FCRL2: variants seen among roughly 807,000 people sequenced by gnomAD.
FCRL2 encodes Fc receptor like 2, also known as Fc receptor-like protein 2.
A neutral mutation model predicts 59.8 loss-of-function variants in FCRL2; 48 were observed. The observed-to-expected ratio is 0.80, with a 90% CI of 0.64 to 1.02. The LOEUF (loss-of-function observed/expected upper bound fraction) is 1.02. Ranked by LOEUF, FCRL2 falls within the 50% of genes least tolerant of loss-of-function variation. The pLI is 0.00. For missense variants in FCRL2, 658 were observed against 597.3 expected (o/e 1.10, Z -1.06); for synonymous variants, 251 against 229.5 (o/e 1.09, Z -0.85).
In FCRL2 at chr1:157,766,598, T is replaced by G. The variant is rs1649514500; in HGVS notation, c.1279+257A>C. On this transcript the variant is annotated intron_variant, in intron 7 of 11. Coordinates refer to ENST00000361516, the MANE Select transcript of FCRL2 (RefSeq NM_030764.4). ...GCAATTAAGAATTAGACTTTTCATT[T>G]TAAAAGTCAAGCATGGAAAGAATGT... 4 of 497,032 alleles carry G rather than the reference T, an allele frequency of 8.0e-6. No individual in the cohort carries two copies. In the East Asian group the frequency reaches 1.3e-4, roughly 16 times the overall value. The allele number at this position is 497,032 out of a possible 1,614,324, so 30.8% of individuals were successfully genotyped here. A position where few individuals can be genotyped will look rare whatever the true frequency, so the allele number is the denominator to read the frequency against.
At position 157,746,877 on chromosome 1, in the gene FCRL2, C is replaced by T. The variant is rs1311379829; in HGVS notation, c.1482G>A (p.Glu494=). The change falls in exon 11 of 12, where the codon GAG becomes GAA. Residue 494 remains glutamate, a synonymous_variant. Transcript: ENST00000361516. ...ESSANIRTLL[E]NKDSQVIYSS... Reference sequence around the variant, plus strand: ...TCCAAGGTGTCTAGCTCACCTTGTTCTCCAGAAGTGTCCTGATGTTTGCTG... The same window carrying T: ...TCCAAGGTGTCTAGCTCACCTTGTTTTCCAGAAGTGTCCTGATGTTTGCTG... The T allele has an allele frequency of 4.3e-6, 7 of 1,613,996 alleles. No individual in the cohort carries two copies. The highest frequency in any genetic ancestry group is 5.1e-6 in the Non-Finnish European group (6 of 1,180,002).
chr1:157,758,507 C>T (rs1374702952), intron 7 of FCRL2, among the ~76,000 whole-genome samples: 2 of 151,788 alleles, frequency 1.3e-5, no homozygotes, highest in Admixed American at 6.6e-5. Context: ...ATATTCCATG[C>T]TCATGGATAG....
chr1:157,747,727 A>G (rs1453875739), intron 10 of FCRL2, among the ~76,000 whole-genome samples: 1 of 152,186 alleles, frequency 6.6e-6, no homozygotes, highest in Non-Finnish European at 1.5e-5. Flanking sequence ...CTGGAGCAGA[A>G]GCTTAAAGGA....
chr1:157,756,679 G>GAAA (rs5778046), intron 7 of FCRL2, among the ~76,000 whole-genome samples: 4 of 133,722 alleles, frequency 3.0e-5, no homozygotes, highest in Admixed American at 7.6e-5. Context: ...ACTTTGTCTG[G>GAAA]AAAAAAAAAA....
At chr1:157,775,702 T>A in intron 2 of FCRL2, 73 bp downstream of exon 2, 1 of 1,548,986 alleles carries the variant, frequency 6.5e-7, no homozygotes, top group Non-Finnish European at 8.9e-7. Flanking sequence ...CAGAGCCACC[T>A]CTATAGAATC....
At chr1:157,768,924 A>G (rs1649752695) in intron 4 of FCRL2, 1 of 492,908 alleles carries the variant, frequency 2.0e-6, no homozygotes, top group East Asian at 3.3e-5. Context: ...GGGTAGTAAT[A>G]TTTAAAGACT....
intron 2 of FCRL2, among the ~76,000 whole-genome samples, chr1:157,773,990 A>G (rs1650220443): frequency 6.6e-6 from 1 of 152,226 alleles, no homozygotes; most frequent in South Asian, 2.1e-4. Context: ...TAGGCAGAGC[A>G]AATAAATAGG....
intron 8 of FCRL2, 26 bp from the exon 9 acceptor site, chr1:157,748,986 G>A (rs1243331534): frequency 6.3e-7 from 1 of 1,595,762 alleles, no homozygotes; most frequent in East Asian, 2.2e-5. Flanking sequence ...TTAATTGTAT[G>A]ATAATCCCCA....
chr1:157,748,841 C>T, intron 9 of FCRL2, 34 bp downstream of exon 9: 2 of 1,596,454 alleles, frequency 1.3e-6, no homozygotes, highest in Non-Finnish European at 1.7e-6. Context: ...TTTTCTGACT[C>T]AGCCTCAGAG....
chr1:157,762,268 A>G (rs1198362214), intron 7 of FCRL2, among the ~76,000 whole-genome samples: 1 of 152,104 alleles, frequency 6.6e-6, no homozygotes, highest in African/African-American at 2.4e-5. Flanking sequence ...TATCACAGCC[A>G]CTACCAACAC....
intron 7 of FCRL2, 143 bp downstream of exon 7, chr1:157,766,712 G>A: frequency 7.3e-7 from 1 of 1,371,716 alleles, no homozygotes; most frequent in Non-Finnish European, 9.9e-7. Context: ...ATTGCACAGA[G>A]CCTTGCAGAA....
At chr1:157,761,680 A>T (rs74119548) in intron 7 of FCRL2, among the ~76,000 whole-genome samples, 2,699 of 152,246 alleles carry the variant, frequency 0.018, 69 homozygotes, top group African/African-American at 0.061. Context: ...CCATATGTGG[A>T]TGACACAATA....
chr1:157,776,202 G>A (rs1650399026), intron 1 of FCRL2, among the ~76,000 whole-genome samples: 1 of 152,082 alleles, frequency 6.6e-6, no homozygotes, highest in Admixed American at 6.6e-5. Flanking sequence ...CAACAAATCA[G>A]TCTCTTTCCT....
intron 2 of FCRL2, among the ~76,000 whole-genome samples, chr1:157,772,263 A>G (rs1249621900): frequency 1.3e-5 from 2 of 152,108 alleles, no homozygotes; most frequent in African/African-American, 2.4e-5. Context: ...GATTAGAGAC[A>G]CTGTTGCAAA....
chr1:157,764,564 CAT>C (rs1649355831), intron 7 of FCRL2, among the ~76,000 whole-genome samples: 1 of 152,208 alleles, frequency 6.6e-6, no homozygotes, highest in Non-Finnish European at 1.5e-5. Flanking sequence ...GAATAGACCA[CAT>C]GTTAGGCCAC....
intron 7 of FCRL2, 97 bp from the exon 8 acceptor site, chr1:157,749,774 A>C (rs1430950045): frequency 6.8e-6 from 6 of 883,284 alleles, no homozygotes; most frequent in Non-Finnish European, 1.1e-5. Flanking sequence ...CTGGTAAGAC[A>C]TAAGATATAG....
In FCRL2 at chr1:157,764,480, A is replaced by G. The variant is rs142598809; in HGVS notation, c.1279+2375T>C. Among the ~76,000 whole-genome samples the G allele has an allele frequency of 6.8e-3, 1,036 of 152,372 alleles. 16 individuals carry two copies. The highest frequency in any genetic ancestry group is 0.024 in the African/African-American group (986 of 41,590). ...GTACTTTAAACCAAATAGCCTTAAC[A>G]GGCATTTACAGAACATTTTGTTCAA... On this transcript the variant is annotated intron_variant, in intron 7 of 11. Coordinates refer to ENST00000361516, the MANE Select transcript of FCRL2 (RefSeq NM_030764.4).
intron 7 of FCRL2, among the ~76,000 whole-genome samples, chr1:157,758,644 C>G (rs868374377): frequency 9.0e-6 from 1 of 110,792 alleles, no homozygotes; most frequent in African/African-American, 3.7e-5. Flanking sequence ...TCATTTGGAA[C>G]CAAAAAAGAG....
chr1:157,760,728 AAAGAAAGAAAGAAAGAAAGAAAGAAAG>A (rs1571270188), intron 7 of FCRL2, among the ~76,000 whole-genome samples: 1 of 149,736 alleles, frequency 6.7e-6, no homozygotes, highest in East Asian at 2.0e-4. Flanking sequence ...AGAAAGAAAG[AAAGAAAGAAAGAAAGAAAGAAAGAAAG>A]AAGAAAGAAT....
Sources: allele counts gnomAD v4.1 joint callset (sites outside exome capture counted in the v4.1 genomes callset), GRCh38; gene constraint gnomAD v4.1.1; transcripts MANE v1.5; gene names NCBI Gene and HGNC (gene_info 2026-07-23, HGNC 2026-07-21).